The following C11orf65 variants were observed in gnomAD, a reference collection of about 807,000 sequenced individuals.
The protein encoded by C11orf65 is protein MFI.
A neutral mutation model predicts 35.3 loss-of-function variants in C11orf65; 38 were observed. The ratio of observed to expected loss-of-function variants is 1.08; its 90% CI spans 0.83 to 1.41. C11orf65 has a LOEUF of 1.41. Ranked by LOEUF, C11orf65 falls within the 40% of genes most tolerant of loss-of-function variation. The pLI is 0.00. For missense variants in C11orf65, 370 were observed against 367.1 expected, an observed-to-expected ratio of 1.01 and a Z score of -0.06; for synonymous variants, 105 against 114.4, an observed-to-expected ratio of 0.92 and a Z score of 0.53.
intron 2 of C11orf65, among the ~76,000 whole-genome samples, chr11:108,447,575 T>C (rs1328577138): frequency 1.3e-5 from 2 of 152,118 alleles, no homozygotes; most frequent in Non-Finnish European, 2.9e-5. Flanking sequence ...AAAGACGTTC[T>C]TTGAAACCAA....
chr11:108,397,421 A>G (rs1249585025), intron 6 of C11orf65, among the ~76,000 whole-genome samples: 1 of 152,110 alleles, frequency 6.6e-6, no homozygotes, highest in Non-Finnish European at 1.5e-5. Flanking sequence ...TTTCTAAACT[A>G]GGAAATTTAG....
intron 2 of C11orf65, among the ~76,000 whole-genome samples, chr11:108,442,948 G>T (rs774210821): frequency 1.1e-4 from 17 of 152,128 alleles, no homozygotes; most frequent in Non-Finnish European, 1.9e-4. Flanking sequence ...ATAATGACAG[G>T]ATCAAATTCA....
rs762001297 is a variant in C11orf65, at chr11:108,315,836, A to C, written c.641-6765T>G. 1.9e-6 allele frequency: 3 copies of C among 1,612,044 alleles called. No individual in the cohort carries two copies. The African/African-American group carries it at 4.0e-5, about 22-fold the overall frequency. The stretch of plus-strand genomic sequence containing the variant: ...CCATGTTTTCAGGATCTTCTCTTAG[A>C]AATCTACAGAAGTATAGGGGAGCCA... On this transcript the variant is annotated intron_variant, in intron 6 of 6. Coordinates refer to the C11orf65 transcript ENST00000525729.
chr11:108,405,376 GT>G (rs937217961), intron 6 of C11orf65, 52 bp downstream of exon 6: 12 of 1,579,004 alleles, frequency 7.6e-6, no homozygotes, highest in Admixed American at 1.8e-5. Flanking sequence ...TTTCAAATTT[GT>G]TTTTTTCCCA....
intron 2 of C11orf65, among the ~76,000 whole-genome samples, chr11:108,445,174 G>A (rs1446515725): frequency 6.6e-6 from 1 of 152,150 alleles, no homozygotes; most frequent in East Asian, 1.9e-4. Context: ...CTCCACCTCT[G>A]GGGGAAGGGC....
intron 3 of C11orf65, among the ~76,000 whole-genome samples, chr11:108,422,582 A>G (rs1312627740): frequency 2.0e-5 from 3 of 152,180 alleles, no homozygotes; most frequent in African/African-American, 7.2e-5. Flanking sequence ...TCTGTAGGGA[A>G]GAATGAGAAT....
At chr11:108,308,993 T>C in exon 7 of C11orf65, 1 of 1,526,992 alleles carries the variant, frequency 6.5e-7, no homozygotes. Flanking sequence ...TAGAATGGTG[T>C]TGACATTAGC....
At chr11:108,317,652 T>TATATATATATACACACACACACACAC (rs1399501257) in intron 6 of C11orf65, 1 of 117,468 alleles carries the variant, frequency 8.5e-6, no homozygotes, top group African/African-American at 5.1e-5. Context: ...TATATATATA[T>TATATATATATACACACACACACACAC]ACACACACAC....
chr11:108,465,470 G>T (rs2093523385), intron 1 of C11orf65, among the ~76,000 whole-genome samples: 1 of 152,118 alleles, frequency 6.6e-6, no homozygotes, highest in Non-Finnish European at 1.5e-5. Context: ...TGTTGCAAGG[G>T]CAAGTAAATA....
At chr11:108,407,850 C>A (rs1401653788) in intron 3 of C11orf65, among the ~76,000 whole-genome samples, 1 of 145,024 alleles carries the variant, frequency 6.9e-6, no homozygotes, top group African/African-American at 2.6e-5. Context: ...GAGAATGGCA[C>A]GAACCCAGGA....
At chr11:108,452,344 A>G (rs918516339) in intron 2 of C11orf65, among the ~76,000 whole-genome samples, 4 of 152,140 alleles carry the variant, frequency 2.6e-5, no homozygotes, top group African/African-American at 4.8e-5. Flanking sequence ...AAAGTGGGCA[A>G]AGGATATGTC....
At chr11:108,403,379 T>G (rs1373352469) in intron 6 of C11orf65, among the ~76,000 whole-genome samples, 1 of 148,480 alleles carries the variant, frequency 6.7e-6, no homozygotes, top group East Asian at 2.1e-4. Context: ...TCAAATTTTT[T>G]GCCCACTTTA....
At chr11:108,336,734 A>G (rs1325683059) in intron 2 of C11orf65, among the ~76,000 whole-genome samples, 2 of 152,316 alleles carry the variant, frequency 1.3e-5, no homozygotes, top group South Asian at 4.1e-4. Flanking sequence ...TCTGGTACAT[A>G]TTGCCAAATT....
intron 2 of C11orf65, among the ~76,000 whole-genome samples, chr11:108,340,658 A>G (rs2087439919): frequency 6.6e-6 from 1 of 152,156 alleles, no homozygotes; most frequent in Non-Finnish European, 1.5e-5. Context: ...AGTTTTATTA[A>G]TAACTGTTAG....
At chr11:108,334,249 G>A (rs1407901674) in intron 3 of C11orf65, among the ~76,000 whole-genome samples, 4 of 152,006 alleles carry the variant, frequency 2.6e-5, no homozygotes, top group South Asian at 2.1e-4. Context: ...GAGAGTTTCC[G>A]TGTGCTTATG....
chr11:108,365,612 G>A (rs2091270713), intron 2 of C11orf65: 8 of 1,368,966 alleles, frequency 5.8e-6, no homozygotes, highest in Non-Finnish European at 8.0e-6. Flanking sequence ...ATATTTAAGT[G>A]AACTATTGTG....
At position 108,401,175 on chromosome 11, in the gene C11orf65, T is replaced by C. The variant is rs552459548; in HGVS notation, c.560+4254A>G. On this transcript the variant is annotated intron_variant, in intron 6 of 8. Transcript: ENST00000393084. Reference sequence around the variant, plus strand: ...CTCCCCTCACCAAGCTATTACTTCATAGCTTGATGAAAAAGGTATCTCCTG... The same window carrying C: ...CTCCCCTCACCAAGCTATTACTTCACAGCTTGATGAAAAAGGTATCTCCTG... Among the ~76,000 whole-genome samples, 22 of 151,862 alleles carry C rather than the reference T, an allele frequency of 1.4e-4. No homozygotes were observed. The East Asian group carries it at 4.3e-3, about 29-fold the overall frequency.
intron 2 of C11orf65, among the ~76,000 whole-genome samples, chr11:108,446,562 C>T (rs1322900151): frequency 6.6e-6 from 1 of 151,948 alleles, no homozygotes; most frequent in African/African-American, 2.4e-5. Flanking sequence ...AAATAAAATA[C>T]TTTACAGACA....
At chr11:108,374,164 G>A (rs2091650570) in intron 2 of C11orf65, among the ~76,000 whole-genome samples, 1 of 150,450 alleles carries the variant, frequency 6.6e-6, no homozygotes, top group Non-Finnish European at 1.5e-5. Flanking sequence ...TTTGAGATCT[G>A]AGAATGGGCA....
Sources: gnomAD v4.1 joint callset for allele counts (sites outside exome capture counted in the v4.1 genomes callset) on GRCh38, gnomAD v4.1.1 for gene constraint, MANE v1.5 for transcripts, NCBI Gene and HGNC (gene_info 2026-07-23, HGNC 2026-07-21) for gene names.